POU6F2: variants seen among roughly 807,000 people sequenced by gnomAD.
POU6F2 encodes the protein POU domain, class 6, transcription factor 2.
A neutral mutation model predicts 71.3 loss-of-function variants in POU6F2; 31 were observed. The observed-to-expected ratio is 0.43, with a 90% CI of 0.33 to 0.59. POU6F2 has a LOEUF of 0.59. Ranked by LOEUF, POU6F2 falls within the 20% of genes least tolerant of loss-of-function variation. The pLI, the probability that POU6F2 is intolerant of heterozygous loss-of-function variation, is 0.04. For synonymous variants in POU6F2, 347 were observed against 355.7 expected (o/e 0.98, Z 0.27); for missense variants, 783 against 856.8 (o/e 0.91, Z 1.07).
At chr7:39,119,943 G>T (rs906818029) in intron 2 of POU6F2, among the ~76,000 whole-genome samples, 9 of 152,142 alleles carry the variant, frequency 5.9e-5, no homozygotes, top group African/African-American at 2.2e-4. Flanking sequence ...GATGTTCTTG[G>T]GGTTGGGGAA....
At chr7:39,382,547 G>A (rs746087853) in intron 5 of POU6F2, among the ~76,000 whole-genome samples, 110 of 152,318 alleles carry the variant, frequency 7.2e-4, no homozygotes, top group Non-Finnish European at 2.6e-4. Flanking sequence ...CATGTGGTGG[G>A]CCCACTGGCC....
At chr7:39,121,012 T>G (rs1792029660) in intron 2 of POU6F2, 1 of 149,060 alleles carries the variant, frequency 6.7e-6, no homozygotes, top group Admixed American at 6.7e-5. Context: ...TTACCCACGG[T>G]GAAAAAAATG....
chr7:39,415,234 G>A (rs1787646766), intron 6 of POU6F2, among the ~76,000 whole-genome samples: 1 of 152,058 alleles, frequency 6.6e-6, no homozygotes, highest in African/African-American at 2.4e-5. Context: ...TGTTGTCCAG[G>A]CTGGTCTAGA....
chr7:39,375,689 G>C (rs1345112894), intron 5 of POU6F2, among the ~76,000 whole-genome samples: 1 of 152,044 alleles, frequency 6.6e-6, no homozygotes, highest in African/African-American at 2.4e-5. Context: ...ACTCCTGGGA[G>C]GGGAGGCAGA....
chr7:39,098,611 G>T (rs1791505093), intron 2 of POU6F2, among the ~76,000 whole-genome samples: 1 of 152,136 alleles, frequency 6.6e-6, no homozygotes, highest in Admixed American at 6.5e-5. Flanking sequence ...AGTGCTTCAA[G>T]GCTCTGGAGT....
At chr7:39,043,616 A>G (rs1336003255) in intron 1 of POU6F2, among the ~76,000 whole-genome samples, 1 of 151,984 alleles carries the variant, frequency 6.6e-6, no homozygotes, top group Non-Finnish European at 1.5e-5. Flanking sequence ...GAGTAATTGC[A>G]CACCAACTGG....
intron 2 of POU6F2, among the ~76,000 whole-genome samples, chr7:39,200,979 G>T (rs955362105): frequency 1.3e-5 from 2 of 151,970 alleles, no homozygotes; most frequent in African/African-American, 2.4e-5. Flanking sequence ...GTGAGCAATG[G>T]TCACACCACT....
chr7:39,314,894 C>CA (rs936222272), intron 4 of POU6F2, among the ~76,000 whole-genome samples: 38 of 151,204 alleles, frequency 2.5e-4, no homozygotes, highest in African/African-American at 9.0e-4. Context: ...AAAAAAAAAA[C>CA]AAAAAACCTC....
At chr7:39,316,868 GAAAT>G (rs1460508427) in intron 4 of POU6F2, among the ~76,000 whole-genome samples, 2 of 152,134 alleles carry the variant, frequency 1.3e-5, no homozygotes, top group Admixed American at 1.3e-4. Flanking sequence ...TAATAAAAGA[GAAAT>G]AAACTCATGT....
At chr7:39,263,698 G>A (rs1431365927) in intron 4 of POU6F2, among the ~76,000 whole-genome samples, 8 of 151,834 alleles carry the variant, frequency 5.3e-5, no homozygotes, top group African/African-American at 1.9e-4. Flanking sequence ...CAAGTCACAC[G>A]CCCCACTTCA....
rs113886116 is a variant in POU6F2, at chr7:38,999,064, T to C, written c.105+21006T>C. 7.2e-3 allele frequency among the ~76,000 whole-genome samples: 1,089 copies of C among 152,180 alleles called. 12 individuals carry two copies. Among genetic ancestry groups the C allele is most frequent in the African/African-American group, 0.025 (1,050 of 41,530 alleles). Reference sequence around the variant, plus strand: ...CTTAATGACTCAACAGTGGAGAACATAGCAATGGGCTATGTTCTTTAGGAG... The same window carrying C: ...CTTAATGACTCAACAGTGGAGAACACAGCAATGGGCTATGTTCTTTAGGAG... On this transcript the variant is annotated intron_variant, in intron 1 of 9. Transcript: ENST00000518318.
At chr7:39,072,320 G>A (rs1018677649) in intron 1 of POU6F2, among the ~76,000 whole-genome samples, 4 of 152,158 alleles carry the variant, frequency 2.6e-5, no homozygotes, top group African/African-American at 7.2e-5. Context: ...AACAGACCTC[G>A]CTTACATATT....
chr7:39,370,144 T>G (rs1003500870), intron 5 of POU6F2, among the ~76,000 whole-genome samples: 2 of 152,194 alleles, frequency 1.3e-5, no homozygotes, highest in African/African-American at 4.8e-5. Flanking sequence ...CTCCGAGGTA[T>G]GCCTGCATTA....
At chr7:39,162,110 G>T (rs1425022363) in intron 2 of POU6F2, among the ~76,000 whole-genome samples, 1 of 152,130 alleles carries the variant, frequency 6.6e-6, no homozygotes, top group African/African-American at 2.4e-5. Flanking sequence ...TAGGACATGT[G>T]GTCAGGGGCT....
intron 7 of POU6F2, among the ~76,000 whole-genome samples, chr7:39,437,163 T>G (rs1318800247): frequency 6.6e-6 from 1 of 152,308 alleles, no homozygotes; most frequent in East Asian, 1.9e-4. Context: ...AGTCCCTCCT[T>G]TTCAATTGTT....
intron 1 of POU6F2, among the ~76,000 whole-genome samples, chr7:39,017,984 G>A (rs776932062): frequency 9.9e-5 from 15 of 151,990 alleles, no homozygotes; most frequent in Admixed American, 3.9e-4. Flanking sequence ...TTCCGGCCTT[G>A]CTGTATTGGC....
chr7:39,325,346 A>C (rs1413341704), intron 4 of POU6F2, among the ~76,000 whole-genome samples: 2 of 152,210 alleles, frequency 1.3e-5, no homozygotes, highest in African/African-American at 4.8e-5. Context: ...CTTCTTAAAA[A>C]CTAAGCAAGA....
At chr7:39,244,905 G>C (rs1007071631) in intron 4 of POU6F2, among the ~76,000 whole-genome samples, 33 of 152,098 alleles carry the variant, frequency 2.2e-4, no homozygotes, top group African/African-American at 7.7e-4. Flanking sequence ...ACATTTTAAT[G>C]AACCAGAAGA....
intron 2 of POU6F2, among the ~76,000 whole-genome samples, chr7:39,122,159 G>A (rs1792056606): frequency 6.6e-6 from 1 of 152,194 alleles, no homozygotes; most frequent in South Asian, 2.1e-4. Context: ...ATGTGTATAT[G>A]TATTTTACAG....
Sources: gnomAD v4.1 joint callset for allele counts (sites outside exome capture counted in the v4.1 genomes callset) on GRCh38, gnomAD v4.1.1 for gene constraint, MANE v1.5 for transcripts, NCBI Gene and HGNC (gene_info 2026-07-23, HGNC 2026-07-21) for gene names.